DPP10: variants seen among roughly 807,000 people sequenced by gnomAD.
DPP10 encodes dipeptidyl peptidase like 10.
A neutral mutation model predicts 120.9 loss-of-function variants in DPP10; 33 were observed. That is an observed-to-expected ratio of 0.27 (90% CI 0.21 to 0.37). The LOEUF (loss-of-function observed/expected upper bound fraction) is 0.37, where lower values mean the gene tolerates loss of function less well. Ranked by LOEUF, DPP10 falls within the 10% of genes least tolerant of loss-of-function variation. The pLI is 1.00. For missense variants in DPP10, 816 were observed against 942.8 expected, an observed-to-expected ratio of 0.87 and a Z score of 1.76; for synonymous variants, 337 against 326.1, an observed-to-expected ratio of 1.03 and a Z score of -0.36.
At chr2:115,730,177 C>T (rs1428054512) in intron 8 of DPP10, among the ~76,000 whole-genome samples, 8 of 152,098 alleles carry the variant, frequency 5.3e-5, no homozygotes, top group Non-Finnish European at 1.2e-4. Context: ...AAACGGTGAG[C>T]GGCTGTAAGG....
chr2:115,745,262 T>C (rs1476815981), intron 9 of DPP10, among the ~76,000 whole-genome samples: 1 of 150,604 alleles, frequency 6.6e-6, no homozygotes, highest in Non-Finnish European at 1.5e-5. Context: ...GATTCTCCAT[T>C]GTGACCAAGA....
intron 5 of DPP10, among the ~76,000 whole-genome samples, chr2:115,643,784 C>A (rs542641892): frequency 6.6e-6 from 1 of 152,154 alleles, no homozygotes; most frequent in Non-Finnish European, 1.5e-5. Flanking sequence ...AGCAAAAACT[C>A]ATGAGTTTCT....
intron 1 of DPP10, among the ~76,000 whole-genome samples, chr2:114,601,495 A>T (rs1692363622): frequency 1.3e-5 from 2 of 151,730 alleles, no homozygotes; most frequent in South Asian, 4.1e-4. Flanking sequence ...GGGATTGGGG[A>T]GGGAGGTCTT....
chr2:114,487,497 T>C (rs1278896732), intron 1 of DPP10, among the ~76,000 whole-genome samples: 1 of 152,174 alleles, frequency 6.6e-6, no homozygotes. Flanking sequence ...TCAACAGAAA[T>C]GACAATCTTT....
chr2:115,800,753 C>T lies in DPP10; in HGVS notation c.1700+9397C>T, dbSNP rs527388479. On this transcript the variant is annotated intron_variant, in intron 19 of 25. Transcript: ENST00000410059. ...CAAAGATCAGATAGTTGTAGATATA[C>T]GGCATTATTTCTGAGGCTCTGTTCT... Among the ~76,000 whole-genome samples, 34 of 151,994 alleles carry T rather than the reference C, an allele frequency of 2.2e-4. 1 individual carries two copies. The highest frequency in any genetic ancestry group is 2.1e-4 in the South Asian group (1 of 4,814).
intron 1 of DPP10, among the ~76,000 whole-genome samples, chr2:114,471,485 C>T (rs749422293): frequency 1.4e-4 from 22 of 151,930 alleles, no homozygotes; most frequent in South Asian, 4.2e-4. Context: ...CCCTTTACAC[C>T]GACAACCTCC....
intron 3 of DPP10, among the ~76,000 whole-genome samples, chr2:115,402,857 ATAT>A (rs1559548863): frequency 0.16 from 17,674 of 113,864 alleles, 1,766 homozygotes; most frequent in East Asian, 0.34. Flanking sequence ...AAAAAAAAAT[ATAT>A]ATATATATAT....
intron 1 of DPP10, among the ~76,000 whole-genome samples, chr2:114,867,821 T>C (rs1690363463): frequency 6.6e-6 from 1 of 152,168 alleles, no homozygotes; most frequent in Non-Finnish European, 1.5e-5. Context: ...AATGAGGTCA[T>C]GGTGTCACCA....
intron 5 of DPP10, among the ~76,000 whole-genome samples, chr2:115,588,777 TGAATGAATTAAA>T (rs1404775321): frequency 5.3e-5 from 8 of 152,176 alleles, no homozygotes; most frequent in Non-Finnish European, 1.2e-4. Flanking sequence ...GTTGAACAAA[TGAATGAATTAAA>T]GAATGAACTC....
chr2:115,337,832 A>G (rs975814650), intron 2 of DPP10, among the ~76,000 whole-genome samples: 2 of 151,944 alleles, frequency 1.3e-5, no homozygotes, highest in Non-Finnish European at 2.9e-5. Context: ...AAGGAAAGGA[A>G]CAAAGAAAGC....
chr2:115,771,260 A>T (rs560728031), intron 13 of DPP10, among the ~76,000 whole-genome samples: 1 of 151,936 alleles, frequency 6.6e-6, no homozygotes, highest in African/African-American at 2.4e-5. Context: ...TTTTTAGTAG[A>T]GGCGGGTTTC....
chr2:115,633,904 CTCTT>C (rs1318471862), intron 5 of DPP10, among the ~76,000 whole-genome samples: 12 of 152,292 alleles, frequency 7.9e-5, no homozygotes, highest in Admixed American at 7.2e-4. Context: ...TTCTGCCTGT[CTCTT>C]TCAGCTACCC....
At chr2:114,755,068 T>C (rs1679600663) in intron 1 of DPP10, among the ~76,000 whole-genome samples, 1 of 152,230 alleles carries the variant, frequency 6.6e-6, no homozygotes, top group Non-Finnish European at 1.5e-5. Flanking sequence ...AGATCATATT[T>C]ATCTTTTCTT....
intron 1 of DPP10, among the ~76,000 whole-genome samples, chr2:115,212,258 A>T (rs2056564586): frequency 6.6e-6 from 1 of 151,884 alleles, no homozygotes; most frequent in Admixed American, 6.6e-5. Flanking sequence ...TTCATTACAG[A>T]CTCTTTTGAA....
chr2:115,824,498 T>C (rs1229483320), intron 21 of DPP10, among the ~76,000 whole-genome samples: 2 of 151,898 alleles, frequency 1.3e-5, no homozygotes, highest in African/African-American at 4.8e-5. Flanking sequence ...CAGGCACCAG[T>C]GTGTGATTTT....
intron 3 of DPP10, among the ~76,000 whole-genome samples, chr2:115,489,543 CAAAT>C (rs1340080919): frequency 6.7e-6 from 1 of 149,778 alleles, no homozygotes; most frequent in Non-Finnish European, 1.5e-5. Context: ...TAATTAAAAA[CAAAT>C]AAAAGGCCAT....
intron 3 of DPP10, among the ~76,000 whole-genome samples, chr2:115,369,327 A>G (rs1279563191): frequency 6.6e-6 from 1 of 152,130 alleles, no homozygotes; most frequent in Non-Finnish European, 1.5e-5. Context: ...AGGAGAAAGT[A>G]GAAGTTTAGA....
intron 1 of DPP10, among the ~76,000 whole-genome samples, chr2:115,173,426 A>T (rs1424501848): frequency 6.6e-6 from 1 of 152,202 alleles, no homozygotes; most frequent in Non-Finnish European, 1.5e-5. Flanking sequence ...ATTGTTATGT[A>T]AACCTCAAAA....
At chr2:114,569,903 A>G (rs1254441458) in intron 1 of DPP10, among the ~76,000 whole-genome samples, 1 of 152,222 alleles carries the variant, frequency 6.6e-6, no homozygotes, top group Non-Finnish European at 1.5e-5. Context: ...GTAGCCATCT[A>G]TGTCAACTGT....
Sources: allele counts gnomAD v4.1 joint callset (sites outside exome capture counted in the v4.1 genomes callset), GRCh38; gene constraint gnomAD v4.1.1; transcripts MANE v1.5; gene names NCBI Gene and HGNC (gene_info 2026-07-23, HGNC 2026-07-21).